PLCD4: variants seen among roughly 807,000 people sequenced by gnomAD.
PLCD4 encodes the protein 1-phosphatidylinositol 4,5-bisphosphate phosphodiesterase delta-4.
Under a neutral mutation model 90.2 loss-of-function variants are expected in PLCD4, and 63 were observed. That is an observed-to-expected ratio of 0.70 (90% CI 0.57 to 0.86). The LOEUF (loss-of-function observed/expected upper bound fraction) is 0.86, where lower values mean the gene tolerates loss of function less well. Among genes scored for constraint, PLCD4 ranks in the 40% least tolerant of loss-of-function variants. The pLI, the probability that PLCD4 is intolerant of heterozygous loss-of-function variation, is 0.00. For missense variants in PLCD4, 830 were observed against 956.3 expected, an observed-to-expected ratio of 0.87 and a Z score of 1.74; for synonymous variants, 294 against 356.5, an observed-to-expected ratio of 0.82 and a Z score of 1.97.
rs1696532438 is a variant in PLCD4, at chr2:218,633,746, C to A, written c.1591C>A (p.Leu531Ile). 6.2e-7 allele frequency: 1 copy of A among 1,613,786 alleles called. No homozygotes were observed. The highest frequency in any genetic ancestry group is 1.3e-5 in the African/African-American group (1 of 74,910). ...SSFSETKAKR[L>I]IKEAGNEFVQ... The stretch of plus-strand genomic sequence containing the variant: ...TTTCTCTGAAACCAAGGCCAAGCGC[C>A]TCATCAAGGAGGCTGGTCAGGACCA... Residue 531 changes from leucine to isoleucine, a missense_variant, in exon 11 of 16, where the codon CTC (leucine) becomes ATC (isoleucine). Physicochemically the swap from Leu to Ile is conservative, Grantham distance 5 (BLOSUM62 2). Transcript: ENST00000450993.
chr2:218,617,073 T>C (rs1695649946), intron 3 of PLCD4, among the ~76,000 whole-genome samples: 1 of 142,894 alleles, frequency 7.0e-6, no homozygotes, highest in Non-Finnish European at 1.5e-5. Context: ...CACGCCATTC[T>C]CTTGCCTCAG....
At chr2:218,616,917 TATATATATATAGAGAGAGAGAGAGAGAG>T (rs1695615976) in intron 3 of PLCD4, among the ~76,000 whole-genome samples, 1 of 24,598 alleles carries the variant, frequency 4.1e-5, no homozygotes, top group African/African-American at 1.4e-4. Flanking sequence ...TATATATATA[TATATATATATAGAGAGAGAGAGAGAGAG>T]AGAGAGAGAG....
chr2:218,616,900 A>T (rs868807003), intron 3 of PLCD4, among the ~76,000 whole-genome samples: 23 of 10,528 alleles, frequency 2.2e-3, no homozygotes, highest in African/African-American at 5.0e-3. Flanking sequence ...CCATTATTTT[A>T]TATATATATA....
At chr2:218,621,433 CAG>C (rs1455010156) in intron 4 of PLCD4, 35 bp from the exon 5 acceptor site, 19 of 1,612,056 alleles carry the variant, frequency 1.2e-5, no homozygotes, top group Non-Finnish European at 1.5e-5. Flanking sequence ...CACACACAAA[CAG>C]ATACATTAGT....
In PLCD4 at chr2:218,629,596, GAC is replaced by G. The variant is rs1008454171; in HGVS notation, c.1057_1058del (p.Thr353ProfsTer48). The G allele has an allele frequency of 6.2e-7, 1 of 1,613,666 alleles. No homozygotes were observed. The highest frequency in any genetic ancestry group is 1.7e-5 in the Admixed American group (1 of 59,972). Reference sequence around the variant, plus strand: ...AGCGGGGAACCTGTCGTTTACCACGGACACACCCTGACCTCCCGCATCCTGTT... The same window carrying G: ...AGCGGGGAACCTGTCGTTTACCACGGACACCCTGACCTCCCGCATCCTGTT... On this transcript the variant is annotated frameshift_variant, in exon 8 of 16. Coordinates refer to ENST00000450993, the MANE Select transcript of PLCD4 (RefSeq NM_032726.4). LOFTEE classifies it high-confidence loss of function.
intron 3 of PLCD4, among the ~76,000 whole-genome samples, chr2:218,616,625 G>A (rs114354238): frequency 0.041 from 6,171 of 151,618 alleles, 164 homozygotes; most frequent in East Asian, 0.12. Context: ...GCTAAGATGG[G>A]AGGATCACTT....
chr2:218,617,409 T>C (rs1257268354), intron 3 of PLCD4, among the ~76,000 whole-genome samples: 3 of 150,768 alleles, frequency 2.0e-5, no homozygotes, highest in African/African-American at 4.9e-5. Flanking sequence ...AAACCCCATC[T>C]CTACTAGAAA....
intron 1 of PLCD4, chr2:218,609,613 A>C (rs1422214700): frequency 6.6e-6 from 1 of 152,046 alleles, no homozygotes; most frequent in Non-Finnish European, 1.5e-5. Flanking sequence ...TTCTCATTGC[A>C]CCTGCATCAG....
chr2:218,610,669 T>C (rs1459699684), intron 1 of PLCD4, among the ~76,000 whole-genome samples: 2 of 151,984 alleles, frequency 1.3e-5, no homozygotes, highest in African/African-American at 2.4e-5. Flanking sequence ...GAAGGCCCTT[T>C]CCAAGAGCAG....
Position 218,634,219 on chromosome 2 carries a change from T to C in PLCD4, c.1721T>C (p.Met574Thr), listed in dbSNP as rs777715325. 2 of 1,608,580 alleles carry C rather than the reference T, an allele frequency of 1.2e-6. No homozygotes were observed. The highest frequency in any genetic ancestry group is 1.7e-6 in the Non-Finnish European group (2 of 1,177,372). The change falls in exon 12 of 16, where the codon ATG (methionine) becomes ACG (threonine). Residue 574 changes from methionine to threonine, a missense_variant and splice_region_variant. Physicochemically the swap from Met to Thr is moderately conservative, Grantham distance 81 (BLOSUM62 -1). Coordinates refer to ENST00000450993, the MANE Select transcript of PLCD4 (RefSeq NM_032726.4). This position sits in a 1 kb window ranked among gnomAD's most constrained non-coding sequence, Gnocchi z 4.0. ...PQELWNAGCQ[M>T]VAMNMQTAGL... ...GAACTCTGGAATGCAGGCTGCCAGA[T>C]GGGTGAGGAGGCAGCAGGGACTGGG...
rs1465372935 is a variant in PLCD4 at position 218,632,222 on chromosome 2, G to A, written c.1359G>A (p.Glu453=). The A allele has an allele frequency of 3.7e-6, 6 of 1,611,604 alleles. No homozygotes were observed. The highest frequency in any genetic ancestry group is 5.1e-6 in the Non-Finnish European group (6 of 1,178,940). The change falls in exon 10 of 16, where the codon GAG becomes GAA. Residue 453 remains glutamate, a synonymous_variant. Transcript: ENST00000450993. ...LEYEEEEAEP[E]LEESELALES... is the part of the protein sequence containing the mutation. ...ATGAGGAAGAGGAAGCAGAACCTGA[G>A]TTGGAAGAGTCAGAATTGGCGCTGG...
At chr2:218,619,593 A>T (rs1695782255) in intron 4 of PLCD4, among the ~76,000 whole-genome samples, 1 of 149,950 alleles carries the variant, frequency 6.7e-6, no homozygotes, top group Non-Finnish European at 1.5e-5. Flanking sequence ...ACACCCGGCC[A>T]GTGGTACAAA....
At chr2:218,611,261 A>C (rs546482181) in intron 1 of PLCD4, among the ~76,000 whole-genome samples, 1 of 152,308 alleles carries the variant, frequency 6.6e-6, no homozygotes, top group Admixed American at 6.5e-5. Context: ...GGAAGAACAA[A>C]GCCAAGCTTT....
chr2:218,629,581 C>G lies in PLCD4; in HGVS notation c.1037C>G (p.Pro346Arg). The change falls in exon 8 of 16, where the codon CCT becomes CGT. Residue 346 changes from proline to arginine, a missense_variant. Coordinates refer to ENST00000450993, the MANE Select transcript of PLCD4 (RefSeq NM_032726.4). Reference sequence around the variant, plus strand: ...GTATGGGATGGACCTAGCGGGGAACCTGTCGTTTACCACGGACACACCCTG... The same window carrying G: ...GTATGGGATGGACCTAGCGGGGAACGTGTCGTTTACCACGGACACACCCTG... ...VDVWDGPSGEPVVYHGHTLTS... is the reference protein window; with the variant it reads ...VDVWDGPSGERVVYHGHTLTS... 4 of 1,613,778 alleles carry G rather than the reference C, an allele frequency of 2.5e-6. No homozygotes were observed. The highest frequency in any genetic ancestry group is 3.4e-6 in the Non-Finnish European group (4 of 1,179,850).
At chr2:218,615,417 G>A (rs1209863634) in intron 1 of PLCD4, among the ~76,000 whole-genome samples, 1 of 152,026 alleles carries the variant, frequency 6.6e-6, no homozygotes. Context: ...ATAATGAGAG[G>A]GTGGGGAGTG....
rs1486888938 is a variant in PLCD4, at chr2:218,635,710, A to G, written c.1897-86A>G. 2.0e-6 allele frequency: 3 copies of G among 1,488,156 alleles called. No homozygotes were observed. In the African/African-American group the frequency reaches 4.3e-5, roughly 21 times the overall value. 92.2% of individuals were successfully genotyped at this position (1,488,156 alleles called of 1,614,324 possible). On this transcript the variant is annotated intron_variant, in intron 13 of 15. Coordinates refer to ENST00000450993, the MANE Select transcript of PLCD4 (RefSeq NM_032726.4). ...ATGGAGGATGTTTTACAAACCAAAAAGCTTCTTCTCCCCTGGGGTTGGGAG... is the reference window on the plus strand; with the variant it reads ...ATGGAGGATGTTTTACAAACCAAAAGGCTTCTTCTCCCCTGGGGTTGGGAG...
intron 3 of PLCD4, among the ~76,000 whole-genome samples, chr2:218,617,496 G>A (rs1695672805): frequency 6.6e-6 from 1 of 151,580 alleles, no homozygotes; most frequent in African/African-American, 2.4e-5. Context: ...AGAATCGCTT[G>A]AACCTGGAAG....
chr2:218,615,628 T>A (rs778818584), intron 1 of PLCD4, 79 bp from the exon 2 acceptor site: 51 of 1,286,228 alleles, frequency 4.0e-5, no homozygotes, highest in Non-Finnish European at 5.2e-5. Flanking sequence ...GTCACTAAAC[T>A]CAAAATTAGA....
In PLCD4 at chr2:218,618,765, T is replaced by C; in HGVS notation, c.368T>C (p.Val123Ala). Residue 123 changes from valine to alanine, a missense_variant, in exon 4 of 16, where the codon GTG (valine) becomes GCG (alanine). Physicochemically the swap from Val to Ala is moderately conservative, Grantham distance 64. Transcript: ENST00000450993. ...QIWMRGLQLL[V>A]DLVTSMDHQE... The stretch of plus-strand genomic sequence containing the variant: ...TGGATGCGAGGGCTCCAGCTGTTGG[T>C]GGATCTTGTCACCAGCATGGACCAT... The C allele has an allele frequency of 6.2e-7, 1 of 1,605,274 alleles. No homozygotes were observed. Among genetic ancestry groups the C allele is most frequent in the Non-Finnish European group, 8.5e-7 (1 of 1,176,020 alleles).
Sources: allele counts gnomAD v4.1 joint callset (sites outside exome capture counted in the v4.1 genomes callset), GRCh38; gene constraint gnomAD v4.1.1; non-coding constraint Gnocchi (gnomAD v3.1); transcripts MANE v1.5; gene names NCBI Gene and HGNC (gene_info 2026-07-23, HGNC 2026-07-21).